MAGEA11: variants seen among roughly 807,000 people sequenced by gnomAD.
MAGEA11 encodes MAGE family member A11, also known as melanoma-associated antigen 11.
Under a neutral mutation model 8.4 loss-of-function variants are expected in MAGEA11, and 1 was observed. That is an observed-to-expected ratio of 0.12 (90% CI 0.04 to 0.57). The LOEUF is 0.57. MAGEA11 is among the 20% of genes least tolerant of loss of function. The pLI is 0.91. For missense variants in MAGEA11, 209 were observed against 317.3 expected (o/e 0.66, Z 2.59); for synonymous variants, 127 against 119.3 (o/e 1.06, Z -0.42).
chrX:149,701,848 C>G (rs1200855573), intron 1 of MAGEA11, among the ~76,000 whole-genome samples: 2 of 111,477 alleles, frequency 1.8e-5, no homozygotes, highest in East Asian at 2.8e-4. Context: ...GCTTGTTTTT[C>G]TCAGGTTTGT....
At chrX:149,689,029 A>G (rs2090299681) in intron 1 of MAGEA11, 5 of 1,003,177 alleles carry the variant, frequency 5.0e-6, no homozygotes, top group Non-Finnish European at 6.6e-6. Flanking sequence ...TGGAGTGGGA[A>G]TGCCCAGGAC....
chrX:149,710,889 A>C (rs1160190724), upstream of MAGEA11, among the ~76,000 whole-genome samples: 3 of 112,083 alleles, frequency 2.7e-5, no homozygotes, highest in Non-Finnish European at 5.6e-5. Context: ...AAACAAAAAA[A>C]ACATGAGAGA....
At chrX:149,692,106 G>T (rs1179896305) in intron 1 of MAGEA11, among the ~76,000 whole-genome samples, 4 of 110,856 alleles carry the variant, frequency 3.6e-5, no homozygotes, top group Non-Finnish European at 5.7e-5. Flanking sequence ...TTTTTTTTTT[G>T]GTTTAGGTGG....
intron 1 of MAGEA11, among the ~76,000 whole-genome samples, chrX:149,700,073 C>T (rs2090345548): frequency 8.9e-6 from 1 of 112,529 alleles, no homozygotes; most frequent in South Asian, 3.7e-4. Flanking sequence ...GATGACATCC[C>T]ACATGGTCCT....
At chrX:149,700,146 A>G (rs782818569) in intron 1 of MAGEA11, among the ~76,000 whole-genome samples, 1 of 112,686 alleles carries the variant, frequency 8.9e-6, no homozygotes, top group South Asian at 3.7e-4. Flanking sequence ...GATCCAAACC[A>G]TATCAAGTCC....
chrX:149,712,427 A>T (rs2090406011), intron 1 of MAGEA11, among the ~76,000 whole-genome samples: 1 of 112,111 alleles, frequency 8.9e-6, no homozygotes, highest in African/African-American at 3.2e-5. Flanking sequence ...CCCCATCCTG[A>T]TAGAGGGGCC....
At chrX:149,689,035 A>G (rs782690752) in intron 1 of MAGEA11, 2 of 976,863 alleles carry the variant, frequency 2.0e-6, no homozygotes, top group Middle Eastern at 3.0e-4. Context: ...GGGAATGCCC[A>G]GGACCAACTA....
At chrX:149,702,822 C>G (rs781898867) in intron 1 of MAGEA11, among the ~76,000 whole-genome samples, 3 of 111,512 alleles carry the variant, frequency 2.7e-5, no homozygotes, top group Non-Finnish European at 5.7e-5. Flanking sequence ...AATCCCATTG[C>G]CATTTAAGGT....
At chrX:149,702,295 T>C (rs2090357731) in intron 1 of MAGEA11, among the ~76,000 whole-genome samples, 1 of 111,830 alleles carries the variant, frequency 8.9e-6, no homozygotes. Flanking sequence ...TATTGTTGAA[T>C]TATTTATTTC....
rs782332649 is a variant in MAGEA11 at position 149,701,277 on chromosome X, A to G, written c.9+12293A>G. 7.4e-4 allele frequency among the ~76,000 whole-genome samples: 78 copies of G among 104,865 alleles called. No homozygotes were observed. The East Asian group carries it at 0.01, about 14-fold the overall frequency. The allele number at this position is 104,865 out of a possible 115,157, so 91.1% of individuals were successfully genotyped here. A position where few individuals can be genotyped will look rare whatever the true frequency, so the allele number is the denominator to read the frequency against. ...GCCATTCTAACTGGTGTGAGATGGTATCTCATTGTGGTTTTGATTTGCATT... is the reference window on the plus strand; with the variant it reads ...GCCATTCTAACTGGTGTGAGATGGTGTCTCATTGTGGTTTTGATTTGCATT... On this transcript the variant is annotated intron_variant, in intron 1 of 3. Transcript: ENST00000333104.
chrX:149,690,068 A>G (rs181186813), intron 1 of MAGEA11, among the ~76,000 whole-genome samples: 197 of 111,860 alleles, frequency 1.8e-3, no homozygotes, highest in Non-Finnish European at 3.1e-3. Flanking sequence ...GCTACTGCCT[A>G]TCATCACCAA....
chrX:149,690,364 A>G (rs1043982644), intron 1 of MAGEA11, among the ~76,000 whole-genome samples: 3 of 112,612 alleles, frequency 2.7e-5, no homozygotes, highest in African/African-American at 9.7e-5. Flanking sequence ...TCTGGAGTTC[A>G]CAGCACTCTC....
At chrX:149,697,833 G>A (rs977685113) in intron 1 of MAGEA11, among the ~76,000 whole-genome samples, 17 of 111,738 alleles carry the variant, frequency 1.5e-4, no homozygotes, top group African/African-American at 5.5e-4. Flanking sequence ...TATTGGGCCT[G>A]CAGGTGCATG....
intron 1 of MAGEA11, among the ~76,000 whole-genome samples, chrX:149,691,439 CTAGA>C (rs1168524356): frequency 2.7e-5 from 3 of 111,423 alleles, no homozygotes; most frequent in African/African-American, 9.8e-5. Flanking sequence ...TTGTTGAGTG[CTAGA>C]TAGTTTTGTA....
At chrX:149,710,943 G>C (rs972911254), upstream of MAGEA11, among the ~76,000 whole-genome samples, 1 of 111,704 alleles carries the variant, frequency 9.0e-6, no homozygotes, top group African/African-American at 3.3e-5. Flanking sequence ...CTTGTGATTG[G>C]CGGGGAAGAG....
chrX:149,708,139 AT>A (rs1465277580), upstream of MAGEA11, among the ~76,000 whole-genome samples: 2 of 112,109 alleles, frequency 1.8e-5, no homozygotes, highest in African/African-American at 6.5e-5. Context: ...TAACTTGTCA[AT>A]TTTTGTTTTA....
intron 3 of MAGEA11, among the ~76,000 whole-genome samples, chrX:149,714,939 G>A (rs782012235): frequency 2.7e-5 from 3 of 111,326 alleles, no homozygotes; most frequent in South Asian, 3.9e-4. Context: ...TCTCCTGGAG[G>A]TAGAGCTTTG....
upstream of MAGEA11, among the ~76,000 whole-genome samples, chrX:149,709,153 C>T (rs782712603): frequency 1.3e-4 from 14 of 109,202 alleles, no homozygotes; most frequent in East Asian, 5.8e-4. Context: ...GGTGTGGTAG[C>T]GCACACCTGA....
chrX:149,708,420 T>G (rs1557361651), upstream of MAGEA11, among the ~76,000 whole-genome samples: 1 of 111,782 alleles, frequency 8.9e-6, no homozygotes, highest in Non-Finnish European at 1.9e-5. Context: ...ACGTACCCCC[T>G]GAATCTAAAA....
Sources: allele counts gnomAD v4.1 joint callset (sites outside exome capture counted in the v4.1 genomes callset), GRCh38; gene constraint gnomAD v4.1.1; transcripts MANE v1.5; gene names NCBI Gene and HGNC (gene_info 2026-07-23, HGNC 2026-07-21).